DXO: variants seen among roughly 807,000 people sequenced by gnomAD.
DXO encodes decapping and exoribonuclease protein.
In DXO, 42 loss-of-function variants were observed where a neutral mutation model predicts 39.8. The ratio of observed to expected loss-of-function variants is 1.06; its 90% CI spans 0.83 to 1.37. The LOEUF is 1.37. Among genes scored for constraint, DXO ranks in the 40% most tolerant of loss-of-function variants. DXO has a pLI of 0.00. For missense variants in DXO, 495 were observed against 513.0 expected, an observed-to-expected ratio of 0.96 and a Z score of 0.34; for synonymous variants, 193 against 200.4, an observed-to-expected ratio of 0.96 and a Z score of 0.31.
Position 31,970,769 on chromosome 6 carries a change from A to G in DXO, c.649T>C (p.Cys217Arg). 1 of 1,612,906 alleles carries G rather than the reference A, an allele frequency of 6.2e-7. No individual in the cohort carries two copies. The highest frequency in any genetic ancestry group is 8.5e-7 in the Non-Finnish European group (1 of 1,179,990). ...CCCAGGCGGCTGCGTAGCACAGAGC[A>G]GAAGGCCACGTTGGTGTTAACCTCC... is the stretch of plus-strand genomic sequence containing the variant. ...SGEVNTNVAF[C>R]SVLRSRLGSH... The change falls in exon 4 of 7, where the codon TGC becomes CGC. Residue 217 changes from cysteine to arginine, a missense_variant. Cys to Arg is a radical substitution (Grantham distance 180, BLOSUM62 -3). Transcript: ENST00000337523. This position sits in a 1 kb window ranked among gnomAD's most constrained non-coding sequence, Gnocchi z 4.0.
In DXO at chr6:31,971,582, C is replaced by A; in HGVS notation, c.94G>T (p.Asp32Tyr). Residue 32 changes from aspartate (D) to tyrosine (Y), a missense_variant, in exon 2 of 7, where the codon GAC becomes TAC. Asp to Tyr is a radical substitution (Grantham distance 160, BLOSUM62 -3). Coordinates refer to ENST00000337523, the MANE Select transcript of DXO (RefSeq NM_005510.4). The surrounding 1 kb of genome is among the most constrained non-coding windows in gnomAD (Gnocchi z 4.5). The part of the protein sequence containing the change: ...LPRPAPSLPT[D>Y]PALYSGPFPF... ...AAGGGCCCAGAGTAGAGGGCAGGGT[C>A]TGTGGGCAGAGAAGGTGCTGGACGA... is the stretch of plus-strand genomic sequence containing the variant. 3 of 1,613,992 alleles carry A rather than the reference C, an allele frequency of 1.9e-6. No homozygotes were observed. The highest frequency in any genetic ancestry group is 2.5e-6 in the Non-Finnish European group (3 of 1,180,030).
rs1360947144 is a variant in DXO at position 31,970,644 on chromosome 6, C to T, written c.774G>A (p.Lys258=). 1.1e-5 allele frequency: 17 copies of T among 1,613,022 alleles called. No individual in the cohort carries two copies. The highest frequency in any genetic ancestry group is 1.4e-5 in the Non-Finnish European group (16 of 1,180,004). Residue 258 remains lysine, a synonymous_variant, in exon 4 of 7, where the codon AAG becomes AAA. Coordinates refer to ENST00000337523, the MANE Select transcript of DXO (RefSeq NM_005510.4). The surrounding 1 kb of genome is among the most constrained non-coding windows in gnomAD (Gnocchi z 4.0). ...TCCATTGGCCAGGGCTGTGCATCTCCTTGGAGGTCTTGAGCTCCACATAGC... is the reference window on the plus strand; with the variant it reads ...TCCATTGGCCAGGGCTGTGCATCTCTTTGGAGGTCTTGAGCTCCACATAGC... ...PTCYVELKTS[K]EMHSPGQWRS...
In DXO at chr6:31,971,213, A is replaced by G. The variant is rs932303712; in HGVS notation, c.357-66T>C. 39 of 1,578,394 alleles carry G rather than the reference A, an allele frequency of 2.5e-5. No individual in the cohort carries two copies. The highest frequency in any genetic ancestry group is 3.3e-5 in the Non-Finnish European group (38 of 1,160,502). On this transcript the variant is annotated intron_variant, in intron 2 of 6. Transcript: ENST00000337523. This position sits in a 1 kb window ranked among gnomAD's most constrained non-coding sequence, Gnocchi z 4.5. The stretch of plus-strand genomic sequence containing the variant: ...ATTAGTGAGATGCTCCCCTCGAAGA[A>G]TAGTCTTGTTTCTTCTAAGGACTGA...
Position 31,972,128 on chromosome 6 carries a change from A to G in DXO, c.-206T>C. The G allele has an allele frequency of 1.2e-6, 2 of 1,612,786 alleles. No homozygotes were observed. The highest frequency in any genetic ancestry group is 2.2e-5 in the South Asian group (2 of 91,056). The stretch of plus-strand genomic sequence containing the variant: ...CCAACGTGGCCACCGGCGCCCCTCC[A>G]CGCCGCCAACGAGTCCCCGGGCGTG... On this transcript the variant is annotated 5_prime_UTR_variant, in exon 1 of 7. Transcript: ENST00000337523. The surrounding 1 kb of genome is among the most constrained non-coding windows in gnomAD (Gnocchi z 6.3).
In DXO at chr6:31,971,329, C is replaced by T. The variant is rs1187914190; in HGVS notation, c.347G>A (p.Arg116Gln). The change falls in exon 2 of 7, where the codon CGG becomes CAG. Residue 116 changes from arginine (R) to glutamine (Q), a missense_variant. Arg to Gln is a conservative substitution (Grantham distance 43). Coordinates refer to ENST00000337523, the MANE Select transcript of DXO (RefSeq NM_005510.4). The surrounding 1 kb of genome is among the most constrained non-coding windows in gnomAD (Gnocchi z 4.5). ...ACCACGCTTTGCTCACCCCTCCAAC[C>T]GGCCTCGGTGTTCCAGGAGCCAGCA... ...LLCWLLEHRG[R>Q]LEGGPGWLAE... 2 of 1,540,886 alleles carry T rather than the reference C, an allele frequency of 1.3e-6. No homozygotes were observed. The highest frequency in any genetic ancestry group is 2.3e-5 in the East Asian group (1 of 44,234).
chr6:31,971,120 T>C lies in DXO; in HGVS notation c.384A>G (p.Ile128Met), dbSNP rs746895838. Residue 128 changes from isoleucine to methionine, a missense_variant, in exon 3 of 7, where the codon ATA (isoleucine) becomes ATG (methionine). Transcript: ENST00000337523. This position sits in a 1 kb window ranked among gnomAD's most constrained non-coding sequence, Gnocchi z 4.5. ...TTGTCAGGTGCCCCCGCCACGTCACTATGGCCTCTGCCAGCCAGCCTGGAC... is the reference window on the plus strand; with the variant it reads ...TTGTCAGGTGCCCCCGCCACGTCACCATGGCCTCTGCCAGCCAGCCTGGAC... ...EGGPGWLAEA[I>M]VTWRGHLTKL... 1.2e-6 allele frequency: 2 copies of C among 1,612,778 alleles called. No individual in the cohort carries two copies. The highest frequency in any genetic ancestry group is 1.7e-6 in the Non-Finnish European group (2 of 1,179,942).
At position 31,971,535 on chromosome 6, in the gene DXO, C is replaced by G. The variant is rs150136570; in HGVS notation, c.141G>C (p.Ser47=). The change falls in exon 2 of 7, where the codon TCG becomes TCC. Residue 47 remains serine (S), a synonymous_variant. Transcript: ENST00000337523. The surrounding 1 kb of genome is among the most constrained non-coding windows in gnomAD (Gnocchi z 4.5). ...SGPFPFYRRP[S]ELGCFSLDAQ... ...CATCCAGGGAGAAGCAGCCCAGTTC[C>G]GAAGGGCGCCGGTAGAAAGGAAAGG... 4.8e-5 allele frequency: 78 copies of G among 1,614,030 alleles called. No homozygotes were observed. Among genetic ancestry groups the G allele is most frequent in the Non-Finnish European group, 6.3e-5 (74 of 1,180,050 alleles).
Position 31,970,370 on chromosome 6 carries a change from A to AT in DXO, c.920_921insA (p.Thr308TyrfsTer6), listed in dbSNP as rs1229557251. The AT allele has an allele frequency of 6.2e-7, 1 of 1,614,098 alleles. No individual in the cohort carries two copies. Among genetic ancestry groups the AT allele is most frequent in the South Asian group, 1.1e-5 (1 of 91,078 alleles). ...TGACATATTCAAACATCTTCATGGT[A>AT]GGAAAGGTCTTGAGGGAAGAGACAA... On this transcript the variant is annotated frameshift_variant, in exon 5 of 7. Transcript: ENST00000337523. LOFTEE classifies it high-confidence loss of function. This position sits in a 1 kb window ranked among gnomAD's most constrained non-coding sequence, Gnocchi z 4.0.
Position 31,970,436 on chromosome 6 carries a change from C to T in DXO, c.855G>A (p.Gly285=). The T allele has an allele frequency of 6.2e-7, 1 of 1,614,074 alleles. No individual in the cohort carries two copies. The highest frequency in any genetic ancestry group is 1.1e-5 in the South Asian group (1 of 91,078). The part of the protein sequence containing the change: ...LKWWAQSFLP[G]VPNVVAGFRN... ...GGAAGCCAGCAACAACATTCGGGAC[C>T]CCTGGGAGGAATGACTGAGCCCACC... The change falls in exon 5 of 7, where the codon GGG becomes GGA. Residue 285 remains glycine (G), a synonymous_variant. Coordinates refer to ENST00000337523, the MANE Select transcript of DXO (RefSeq NM_005510.4). The surrounding 1 kb of genome is among the most constrained non-coding windows in gnomAD (Gnocchi z 4.0).
chr6:31,971,404 C>T lies in DXO; in HGVS notation c.272G>A (p.Arg91Gln), dbSNP rs1248350959. ...NFDLRDGYPD[R>Q]YQPRDEEVQE... ...GACCTCCTCGTCCCGGGGCTGGTAT[C>T]GATCCGGGTATCCGTCTCTGAGGTC... Residue 91 changes from arginine to glutamine, a missense_variant, in exon 2 of 7, where the codon CGA (arginine) becomes CAA (glutamine). By Grantham distance (43) the Arg-to-Gln change is conservative. Coordinates refer to ENST00000337523, the MANE Select transcript of DXO (RefSeq NM_005510.4). This position sits in a 1 kb window ranked among gnomAD's most constrained non-coding sequence, Gnocchi z 4.5. 1 of 1,600,248 alleles carries T rather than the reference C, an allele frequency of 6.2e-7. No homozygotes were observed. The highest frequency in any genetic ancestry group is 1.1e-5 in the South Asian group (1 of 90,072).
In DXO at chr6:31,970,237, C is replaced by T; in HGVS notation, c.949-34G>A. On this transcript the variant is annotated intron_variant, in intron 5 of 6. Transcript: ENST00000337523. This position sits in a 1 kb window ranked among gnomAD's most constrained non-coding sequence, Gnocchi z 4.0. The stretch of plus-strand genomic sequence containing the variant: ...GGCAGAGGAGGAGGCAGAAGATGGG[C>T]AGTGGGGGTGGTGGGAGGAGAGAAG... 6.2e-7 allele frequency: 1 copy of T among 1,613,144 alleles called. No individual in the cohort carries two copies.
rs570681598 is a variant in DXO, at chr6:31,971,938, C to T, written c.-16G>A. 2.9e-4 allele frequency: 448 copies of T among 1,550,716 alleles called. 11 individuals carry two copies. The South Asian group carries it at 5.2e-3, about 18-fold the overall frequency. On this transcript the variant is annotated 5_prime_UTR_variant, in exon 1 of 7. Transcript: ENST00000337523. This position sits in a 1 kb window ranked among gnomAD's most constrained non-coding sequence, Gnocchi z 4.5. ...TCAAGAATCCAGTTACCTCAAAGCT[C>T]CCCAACTTCCACCTCCGCAGAGCTA...
Position 31,971,599 on chromosome 6 carries a change from G to A in DXO, c.77C>T (p.Ala26Val), listed in dbSNP as rs1773336296. 1 of 1,613,492 alleles carries A rather than the reference G, an allele frequency of 6.2e-7. No individual in the cohort carries two copies. The highest frequency in any genetic ancestry group is 8.5e-7 in the Non-Finnish European group (1 of 1,180,038). The part of the protein sequence containing the change: ...AEPRNKLPRP[A>V]PSLPTDPALY... ...GGCAGGGTCTGTGGGCAGAGAAGGT[G>A]CTGGACGAGGTAGTTTGTTCCGAGG... is the stretch of plus-strand genomic sequence containing the variant. Residue 26 changes from alanine (A) to valine (V), a missense_variant, in exon 2 of 7, where the codon GCA (alanine) becomes GTA (valine). By Grantham distance (64) the Ala-to-Val change is moderately conservative (BLOSUM62 0). Coordinates refer to ENST00000337523, the MANE Select transcript of DXO (RefSeq NM_005510.4). This position sits in a 1 kb window ranked among gnomAD's most constrained non-coding sequence, Gnocchi z 4.5.
chr6:31,971,186 G>A lies in DXO; in HGVS notation c.357-39C>T. The A allele has an allele frequency of 6.3e-7, 1 of 1,597,702 alleles. No homozygotes were observed. The highest frequency in any genetic ancestry group is 1.1e-5 in the South Asian group (1 of 90,442). The stretch of plus-strand genomic sequence containing the variant: ...GTTACAGGCTGAAGGTCTGACACAA[G>A]CATTAGTGAGATGCTCCCCTCGAAG... On this transcript the variant is annotated intron_variant, in intron 2 of 6. Transcript: ENST00000337523. This position sits in a 1 kb window ranked among gnomAD's most constrained non-coding sequence, Gnocchi z 4.5.
Position 31,970,222 on chromosome 6 carries a change from GA to G in DXO, c.949-20del, listed in dbSNP as rs754377169. On this transcript the variant is annotated intron_variant, in intron 5 of 6. Transcript: ENST00000337523. This position sits in a 1 kb window ranked among gnomAD's most constrained non-coding sequence, Gnocchi z 4.0. ...GGTCATTCTGGAGCAGGCAGAGGAG[GA>G]GGCAGAAGATGGGCAGTGGGGGTGG... 2 of 1,613,758 alleles carry G rather than the reference GA, an allele frequency of 1.2e-6. No individual in the cohort carries two copies. The highest frequency in any genetic ancestry group is 1.7e-6 in the Non-Finnish European group (2 of 1,179,960).
rs542927112 is a variant in DXO, at chr6:31,969,942, T to C, written c.1126A>G (p.Ile376Val). ...TGAGTCATAGCTTCCACATACCATA[T>C]GGGCAGGAAGGCGTAAGGTGCATCT... ...HQDAPYAFLP[I>V]WYVEAMTQDL... Residue 376 changes from isoleucine (I) to valine (V), a missense_variant, in exon 7 of 7, where the codon ATA becomes GTA. By Grantham distance (29) the Ile-to-Val change is conservative (BLOSUM62 3). Coordinates refer to ENST00000337523, the MANE Select transcript of DXO (RefSeq NM_005510.4). The surrounding 1 kb of genome is among the most constrained non-coding windows in gnomAD (Gnocchi z 6.1). The C allele has an allele frequency of 6.2e-7, 1 of 1,613,984 alleles. No homozygotes were observed. The highest frequency in any genetic ancestry group is 2.2e-5 in the East Asian group (1 of 44,874).
chr6:31,970,442 G>A lies in DXO; in HGVS notation c.849C>T (p.Leu283=). ...CAGCAACAACATTCGGGACCCCTGGGAGGAATGACTGAGCCCACCATTTCA... is the reference window on the plus strand; with the variant it reads ...CAGCAACAACATTCGGGACCCCTGGAAGGAATGACTGAGCCCACCATTTCA... ...KLLKWWAQSF[L]PGVPNVVAGF... The change falls in exon 5 of 7, where the codon CTC becomes CTT. Residue 283 remains leucine (L), a synonymous_variant. Coordinates refer to ENST00000337523, the MANE Select transcript of DXO (RefSeq NM_005510.4). The surrounding 1 kb of genome is among the most constrained non-coding windows in gnomAD (Gnocchi z 4.0). 1 of 1,614,148 alleles carries A rather than the reference G, an allele frequency of 6.2e-7. No individual in the cohort carries two copies. The highest frequency in any genetic ancestry group is 8.5e-7 in the Non-Finnish European group (1 of 1,180,024).
At position 31,971,177 on chromosome 6, in the gene DXO, C is replaced by T; in HGVS notation, c.357-30G>A. ...GAGGCAGGAGTTACAGGCTGAAGGT[C>T]TGACACAAGCATTAGTGAGATGCTC... is the stretch of plus-strand genomic sequence containing the variant. On this transcript the variant is annotated intron_variant, in intron 2 of 6. Coordinates refer to ENST00000337523, the MANE Select transcript of DXO (RefSeq NM_005510.4). The surrounding 1 kb of genome is among the most constrained non-coding windows in gnomAD (Gnocchi z 4.5). 1 of 1,605,180 alleles carries T rather than the reference C, an allele frequency of 6.2e-7. No homozygotes were observed. Among genetic ancestry groups the T allele is most frequent in the Non-Finnish European group, 8.5e-7 (1 of 1,175,166 alleles).
At position 31,970,413 on chromosome 6, in the gene DXO, A is replaced by G. The variant is rs1554293100; in HGVS notation, c.878T>C (p.Phe293Ser). The change falls in exon 5 of 7, where the codon TTC (phenylalanine) becomes TCC (serine). Residue 293 changes from phenylalanine (F) to serine (S), a missense_variant. Transcript: ENST00000337523. This position sits in a 1 kb window ranked among gnomAD's most constrained non-coding sequence, Gnocchi z 4.0. ...LPGVPNVVAG[F>S]RNPDGFVSSL... ...AGAGACAAAACCGTCTGGGTTACGG[A>G]AGCCAGCAACAACATTCGGGACCCC... is the stretch of plus-strand genomic sequence containing the variant. 6.2e-7 allele frequency: 1 copy of G among 1,614,054 alleles called. No individual in the cohort carries two copies. Among genetic ancestry groups the G allele is most frequent in the Admixed American group, 1.7e-5 (1 of 60,024 alleles).
Sources: gnomAD v4.1 joint callset for allele counts on GRCh38, gnomAD v4.1.1 for gene constraint, Gnocchi (gnomAD v3.1) non-coding constraint, MANE v1.5 for transcripts, NCBI Gene and HGNC (gene_info 2026-07-23, HGNC 2026-07-21) for gene names.